TNS1: variants seen among roughly 807,000 people sequenced by gnomAD.
TNS1 encodes tensin-1.
Under a neutral mutation model 168.6 loss-of-function variants are expected in TNS1, and 62 were observed. The ratio of observed to expected loss-of-function variants is 0.37; its 90% CI spans 0.30 to 0.45. The LOEUF is 0.45. TNS1 is among the 20% of genes least tolerant of loss of function. The pLI is 1.00. For missense variants in TNS1, 2,240 were observed against 2,339.4 expected (o/e 0.96, Z 0.88); for synonymous variants, 934 against 933.2 (o/e 1.00, Z -0.02).
At position 217,968,239 on chromosome 2, in the gene TNS1, C is replaced by A. The variant is rs563511068; in HGVS notation, c.186+10526G>T. Among the ~76,000 whole-genome samples the A allele has an allele frequency of 5.3e-5, 8 of 152,230 alleles. No individual in the cohort carries two copies. The East Asian group carries it at 1.5e-3, about 29-fold the overall frequency. On this transcript the variant is annotated intron_variant, in intron 3 of 32. Transcript: ENST00000682258. ...TTTCCTCCTAAGTTCGGGAACTAGA[C>A]AACAATTTCTGCTCTTGCCACATCT...
At position 217,991,019 on chromosome 2, in the gene TNS1, T is replaced by G; in HGVS notation, c.71A>C (p.Lys24Thr). 1 of 694,392 alleles carries G rather than the reference T, an allele frequency of 1.4e-6. No individual in the cohort carries two copies. Among genetic ancestry groups the G allele is most frequent in the Non-Finnish European group, 2.6e-6 (1 of 378,746 alleles). 43.0% of individuals were successfully genotyped at this position (694,392 alleles called of 1,614,324 possible). A position where few individuals can be genotyped will look rare whatever the true frequency, so the allele number is the denominator to read the frequency against. The change falls in exon 2 of 33, where the codon AAG becomes ACG. Residue 24 changes from lysine (K) to threonine (T), a missense_variant. By Grantham distance (78) the Lys-to-Thr change is moderately conservative (BLOSUM62 -1). This residue lies in a region of TNS1 where 2,131 missense variants were observed against 2,171.2 expected (regional missense o/e 0.98). Coordinates refer to ENST00000682258, the MANE Select transcript of TNS1 (RefSeq NM_001387777.1). ...CTTCACCTTCTTGAAGGTCTTCACC[T>G]TGAAGCGGTGTGTCTTGGGGGCCTC... ...DLEAPKTHRF[K>T]VKTFKKVKPC... is the part of the protein sequence containing the mutation.
chr2:217,810,359 G>A, intron 28 of TNS1, 40 bp from the exon 29 acceptor site: 4 of 1,603,396 alleles, frequency 2.5e-6, no homozygotes, highest in Non-Finnish European at 3.4e-6. Flanking sequence ...CCCTAGAGCT[G>A]GAAAGAAGCA....
intron 12 of TNS1, among the ~76,000 whole-genome samples, chr2:217,888,841 C>T (rs1951471807): frequency 6.6e-6 from 1 of 152,172 alleles, no homozygotes; most frequent in South Asian, 2.1e-4. Context: ...TTATCAGCAG[C>T]ATGAAAATGG....
chr2:217,885,190 G>A lies in TNS1; in HGVS notation c.1117-26C>T, dbSNP rs767740296. The A allele has an allele frequency of 5.0e-6, 8 of 1,614,004 alleles. No homozygotes were observed. In the South Asian group the frequency reaches 8.8e-5, roughly 18 times the overall value. The stretch of plus-strand genomic sequence containing the variant: ...CTGGGTGGGAAGACGGGCAGAACCA[G>A]TCAGGGGCCTGAGGCTGGGAGGTCA... On this transcript the variant is annotated intron_variant, in intron 15 of 32. Coordinates refer to ENST00000682258, the MANE Select transcript of TNS1 (RefSeq NM_001387777.1).
In TNS1 at chr2:217,848,689, C is replaced by A; in HGVS notation, c.1828G>T (p.Val610Phe). ...SSGRHVVPAQ[V>F]HVNGGALASE... The stretch of plus-strand genomic sequence containing the variant: ...GCTAACGCCCCACCATTGACATGAA[C>A]CTGGGCTGGGACAACGTGGCGTCCA... The change falls in exon 19 of 33, where the codon GTT (valine) becomes TTT (phenylalanine). Residue 610 changes from valine (V) to phenylalanine (F), a missense_variant. Physicochemically the swap from Val to Phe is conservative, Grantham distance 50. Around this residue, in one of 2 missense-constraint regions of TNS1, gnomAD observed 2,131 missense variants for 2,171.2 expected, o/e 0.98. Transcript: ENST00000682258. 6.2e-7 allele frequency: 1 copy of A among 1,614,214 alleles called. No individual in the cohort carries two copies. Among genetic ancestry groups the A allele is most frequent in the East Asian group, 2.2e-5 (1 of 44,884 alleles).
chr2:217,937,208 ATCG>A, intron 3 of TNS1: 1 of 362,700 alleles, frequency 2.8e-6, no homozygotes, highest in Admixed American at 3.4e-5. Context: ...CCCCCACTAG[ATCG>A]TGTCTCCCGG....
At chr2:217,988,230 C>T (rs561956765) in intron 2 of TNS1, among the ~76,000 whole-genome samples, 2 of 152,322 alleles carry the variant, frequency 1.3e-5, no homozygotes, top group South Asian at 2.1e-4. Flanking sequence ...CCCTCCCCTC[C>T]GGTTCACACC....
chr2:217,925,019 T>G (rs537719461), intron 3 of TNS1, among the ~76,000 whole-genome samples: 1 of 152,308 alleles, frequency 6.6e-6, no homozygotes, highest in African/African-American at 2.4e-5. Flanking sequence ...TCCCTTTTGC[T>G]TACTTCTTTA....
chr2:217,994,759 G>T lies in TNS1; in HGVS notation c.34-3703C>A, dbSNP rs544575968. 2.0e-5 allele frequency among the ~76,000 whole-genome samples: 3 copies of T among 152,342 alleles called. No homozygotes were observed. In the South Asian group the frequency reaches 6.2e-4, roughly 32 times the overall value. ...CAAAATATTTCCCCCCTGGGGCCTG[G>T]AGGGCAGGGACAGGGCTTCAGGTCC... is the stretch of plus-strand genomic sequence containing the variant. On this transcript the variant is annotated intron_variant, in intron 1 of 32. Coordinates refer to ENST00000682258, the MANE Select transcript of TNS1 (RefSeq NM_001387777.1).
In TNS1 at chr2:217,836,053, G is replaced by A. The variant is rs1433717152; in HGVS notation, c.3166C>T (p.Leu1056Phe). The change falls in exon 20 of 33, where the codon CTT becomes TTT. Residue 1056 changes from leucine (L) to phenylalanine (F), a missense_variant. Around this residue, in one of 2 missense-constraint regions of TNS1, gnomAD observed 2,131 missense variants for 2,171.2 expected, o/e 0.98. Coordinates refer to ENST00000682258, the MANE Select transcript of TNS1 (RefSeq NM_001387777.1). ...PVQCVSPELA[L>F]TIALNPGGRP... ...CCTCCAGGATTGAGAGCGATGGTAA[G>A]AGCCAGCTCCGGGGAGACACACTGG... 1 of 1,614,062 alleles carries A rather than the reference G, an allele frequency of 6.2e-7. No individual in the cohort carries two copies. The highest frequency in any genetic ancestry group is 8.5e-7 in the Non-Finnish European group (1 of 1,179,946).
rs3749049 is a variant in TNS1, at chr2:217,803,077, G to C, written c.*1382C>G. 0.059 allele frequency: 9,025 copies of C among 152,604 alleles called. 485 individuals carry two copies. The highest frequency in any genetic ancestry group is 0.17 in the Admixed American group (2,580 of 15,310). 9.5% of individuals were successfully genotyped at this position (152,604 alleles called of 1,614,324 possible). A position where few individuals can be genotyped will look rare whatever the true frequency, so the allele number is the denominator to read the frequency against. On this transcript the variant is annotated 3_prime_UTR_variant, in exon 33 of 33. Coordinates refer to ENST00000682258, the MANE Select transcript of TNS1 (RefSeq NM_001387777.1). ...GGAAACCAAGGCAGAAAGGGTGACAGTGAGGCTTTGGCATTGTAGGTAGGC... is the reference window on the plus strand; with the variant it reads ...GGAAACCAAGGCAGAAAGGGTGACACTGAGGCTTTGGCATTGTAGGTAGGC...
rs1312933877 is a variant in TNS1, at chr2:218,033,510, C to T, written c.156+310G>A. Among the ~76,000 whole-genome samples the T allele has an allele frequency of 1.3e-5, 2 of 152,190 alleles. No homozygotes were observed. Among genetic ancestry groups the T allele is most frequent in the African/African-American group, 4.8e-5 (2 of 41,442 alleles). On this transcript the variant is annotated intron_variant, in intron 1 of 1. Transcript: ENST00000649572. This position sits in a 1 kb window ranked among gnomAD's most constrained non-coding sequence, Gnocchi z 4.3. ...TCTTTCCCTACCTTGCCCCAGCACT[C>T]CAGGCCTGCCCCTCCTGGGTGACTC...
upstream of TNS1, among the ~76,000 whole-genome samples, chr2:218,014,555 G>A (rs1958739143): frequency 6.6e-6 from 1 of 152,200 alleles, no homozygotes; most frequent in South Asian, 2.1e-4. Context: ...CTCTGCAGGA[G>A]TCTATCTAAT....
intron 11 of TNS1, 64 bp downstream of exon 11, chr2:217,892,884 G>A (rs1397484982): frequency 1.3e-6 from 2 of 1,541,250 alleles, no homozygotes; most frequent in East Asian, 2.3e-5. Context: ...GGCTGTGGGT[G>A]GATGAGAGGA....
At position 217,885,741 on chromosome 2, in the gene TNS1, C is replaced by T; in HGVS notation, c.1116+3G>A. ...GGGGCTTGACACAGAGGACAGCACTCACCAAGATGTCTCCCTTCAAGAGCA... is the reference window on the plus strand; with the variant it reads ...GGGGCTTGACACAGAGGACAGCACTTACCAAGATGTCTCCCTTCAAGAGCA... On this transcript the variant is annotated splice_donor_region_variant and intron_variant, in intron 15 of 32. Transcript: ENST00000682258. The T allele has an allele frequency of 1.2e-6, 2 of 1,613,590 alleles. No individual in the cohort carries two copies. The highest frequency in any genetic ancestry group is 1.7e-6 in the Non-Finnish European group (2 of 1,179,634).
intron 1 of TNS1, 24 bp downstream of exon 1, chr2:218,002,816 C>A (rs746312111): frequency 2.2e-6 from 1 of 456,666 alleles, no homozygotes; most frequent in Non-Finnish European, 4.4e-6. Context: ...AGAGTAACGT[C>A]GCAGCTAAAG....
intron 10 of TNS1, 43 bp downstream of exon 10, chr2:217,893,396 G>GCA (rs763865900): frequency 1.9e-5 from 29 of 1,512,644 alleles, no homozygotes; most frequent in Admixed American, 1.0e-4. Flanking sequence ...GCATGTGCGC[G>GCA]CGCGCACACA....
In TNS1 at chr2:217,975,677, C is replaced by A. The variant is rs1267828129; in HGVS notation, c.186+3088G>T. 2.0e-5 allele frequency among the ~76,000 whole-genome samples: 3 copies of A among 152,180 alleles called. No homozygotes were observed. In the South Asian group the frequency reaches 6.2e-4, roughly 32 times the overall value. On this transcript the variant is annotated intron_variant, in intron 3 of 32. Transcript: ENST00000682258. ...ATCTCAGTAAGTGAAACCATGTGCACCCAATTACTCTGGCCAAAATCTGGG... is the reference window on the plus strand; with the variant it reads ...ATCTCAGTAAGTGAAACCATGTGCAACCAATTACTCTGGCCAAAATCTGGG...
intron 3 of TNS1, among the ~76,000 whole-genome samples, chr2:217,952,897 A>G (rs1575133455): frequency 6.6e-6 from 1 of 152,232 alleles, no homozygotes; most frequent in East Asian, 1.9e-4. Context: ...AGAGTTGAGC[A>G]GCCCAGTCCT....
Sources: gnomAD v4.1 joint callset for allele counts (sites outside exome capture counted in the v4.1 genomes callset) on GRCh38, gnomAD v4.1.1 for gene constraint, gnomAD v4.1.1 regional missense constraint, Gnocchi (gnomAD v3.1) non-coding constraint, MANE v1.5 for transcripts, NCBI Gene and HGNC (gene_info 2026-07-23, HGNC 2026-07-21) for gene names.